GRIK4: variants seen among roughly 807,000 people sequenced by gnomAD.
The protein encoded by GRIK4 is glutamate ionotropic receptor kainate type subunit 4.
GRIK4 carries 40 observed loss-of-function variants against 104.9 expected under a neutral mutation model. The ratio of observed to expected loss-of-function variants is 0.38; its 90% CI spans 0.30 to 0.50. The LOEUF (loss-of-function observed/expected upper bound fraction) is 0.50, where lower values mean the gene tolerates loss of function less well. Ranked by LOEUF, GRIK4 falls within the 20% of genes least tolerant of loss-of-function variation. GRIK4 has a pLI of 0.93. For missense variants in GRIK4, 1,047 were observed against 1,308.1 expected (o/e 0.80, Z 3.08); for synonymous variants, 485 against 524.9 (o/e 0.92, Z 1.04).
chr11:120,903,951 C>G lies in GRIK4; in HGVS notation c.1273-1339C>G, dbSNP rs912258925. Among the ~76,000 whole-genome samples the G allele has an allele frequency of 1.3e-5, 2 of 152,226 alleles. No homozygotes were observed. The highest frequency in any genetic ancestry group is 4.8e-5 in the African/African-American group (2 of 41,460). On this transcript the variant is annotated intron_variant, in intron 12 of 20. Coordinates refer to ENST00000527524, the MANE Select transcript of GRIK4 (RefSeq NM_014619.5). This position sits in a 1 kb window ranked among gnomAD's most constrained non-coding sequence, Gnocchi z 4.4. ...AGAATGGTGGGAGTGGCTACATCCT[C>G]TATCTTCCAATTTCCTCCTCCTTGA...
intron 1 of GRIK4, among the ~76,000 whole-genome samples, chr11:120,534,343 A>C (rs537199112): frequency 3.3e-5 from 5 of 152,186 alleles, no homozygotes; most frequent in Non-Finnish European, 7.3e-5. Context: ...AGGGATATCT[A>C]TGTGGAATTG....
chr11:120,943,234 T>C (rs780424771), intron 14 of GRIK4, among the ~76,000 whole-genome samples: 1 of 151,840 alleles, frequency 6.6e-6, no homozygotes. Flanking sequence ...TGCCTAGACC[T>C]GATTGATAAC....
chr11:120,713,311 A>AC lies in GRIK4; in HGVS notation c.82+52916dup, dbSNP rs763718578. Among the ~76,000 whole-genome samples the AC allele has an allele frequency of 2.6e-4, 40 of 151,818 alleles. 1 individual carries two copies. Among genetic ancestry groups the AC allele is most frequent in the Non-Finnish European group, 5.0e-4 (34 of 67,968 alleles). On this transcript the variant is annotated intron_variant, in intron 3 of 20. Transcript: ENST00000527524. ...TTCGGCCACCTGACATGCTAAGCAC[A>AC]CCCCCTCCCAGTTTTGTGCCCTCTG...
chr11:120,598,803 C>T (rs1948840806), intron 1 of GRIK4, among the ~76,000 whole-genome samples: 1 of 152,228 alleles, frequency 6.6e-6, no homozygotes, highest in African/African-American at 2.4e-5. Flanking sequence ...TGGCTTGGAC[C>T]CTGTCTATCT....
rs533963473 is a variant in GRIK4 at position 120,986,496 on chromosome 11, C to T, written c.*236C>T. 1.9e-6 allele frequency: 1 copy of T among 528,492 alleles called. No individual in the cohort carries two copies. Among genetic ancestry groups the T allele is most frequent in the Non-Finnish European group, 3.2e-6 (1 of 311,374 alleles). 32.7% of individuals were successfully genotyped at this position (528,492 alleles called of 1,614,324 possible). A position where few individuals can be genotyped will look rare whatever the true frequency, so the allele number is the denominator to read the frequency against. On this transcript the variant is annotated 3_prime_UTR_variant, in exon 21 of 21. Transcript: ENST00000527524. ...CCCAAAGGGCAAAGGACGGCCCTCC[C>T]TCCTGGGCACAAGGACCCATCTTCT...
chr11:120,719,772 A>G (rs1211871258), intron 3 of GRIK4, among the ~76,000 whole-genome samples: 2 of 152,238 alleles, frequency 1.3e-5, no homozygotes, highest in South Asian at 2.1e-4. Context: ...TATAAAATAG[A>G]AAGCTAAGCA....
intron 6 of GRIK4, 112 bp downstream of exon 6, chr11:120,820,032 T>G (rs553396790): frequency 2.1e-6 from 2 of 955,878 alleles, no homozygotes; most frequent in South Asian, 2.9e-5. Flanking sequence ...TTCCTTCAGA[T>G]CCACAGGGCT....
chr11:120,572,221 C>G (rs1405662196), intron 1 of GRIK4, among the ~76,000 whole-genome samples: 2 of 152,282 alleles, frequency 1.3e-5, no homozygotes, highest in Admixed American at 1.3e-4. Context: ...CCCTCCTGAT[C>G]TAGTCACATC....
chr11:120,622,874 G>A (rs535969763), intron 1 of GRIK4, among the ~76,000 whole-genome samples: 1 of 152,282 alleles, frequency 6.6e-6, no homozygotes, highest in South Asian at 2.1e-4. Flanking sequence ...GGATACATGT[G>A]GTTTACTTAG....
chr11:120,597,287 C>T (rs561224879), intron 1 of GRIK4, among the ~76,000 whole-genome samples: 20 of 152,368 alleles, frequency 1.3e-4, no homozygotes, highest in South Asian at 1.2e-3. Flanking sequence ...GGGCAAGTGC[C>T]TTCCCACCAT....
intron 17 of GRIK4, among the ~76,000 whole-genome samples, chr11:120,961,946 T>C (rs1246765098): frequency 2.0e-5 from 3 of 152,360 alleles, no homozygotes; most frequent in African/African-American, 7.2e-5. Flanking sequence ...TGACTTGTTA[T>C]TATTTGTAAA....
chr11:120,707,306 CGCCAGTCTGCCAGGCACA>C (rs1443226834), intron 3 of GRIK4, among the ~76,000 whole-genome samples: 1 of 152,172 alleles, frequency 6.6e-6, no homozygotes, highest in African/African-American at 2.4e-5. Context: ...CACTTGTGGC[CGCCAGTCTGCCAGGCACA>C]GCCAGTCTGC....
intron 1 of GRIK4, among the ~76,000 whole-genome samples, chr11:120,623,880 C>T (rs1949220396): frequency 6.6e-6 from 1 of 152,166 alleles, no homozygotes; most frequent in South Asian, 2.1e-4. Flanking sequence ...CTCAGAGCTC[C>T]TGCTGCCCTC....
At chr11:120,610,242 A>C (rs191108650) in intron 1 of GRIK4, among the ~76,000 whole-genome samples, 15 of 152,322 alleles carry the variant, frequency 9.8e-5, no homozygotes, top group Admixed American at 9.8e-4. Flanking sequence ...TTCCCCCAGA[A>C]CAGCCAAGTA....
At chr11:120,529,504 C>T (rs1013454136) in intron 1 of GRIK4, among the ~76,000 whole-genome samples, 8 of 152,196 alleles carry the variant, frequency 5.3e-5, no homozygotes, top group Admixed American at 2.6e-4. Flanking sequence ...TTTTGCACAG[C>T]GCTGGGTTCC....
chr11:120,730,595 C>T (rs983235687), intron 3 of GRIK4, among the ~76,000 whole-genome samples: 4 of 151,504 alleles, frequency 2.6e-5, no homozygotes, highest in East Asian at 3.9e-4. Flanking sequence ...TTTCTATTTC[C>T]GTGAAGAATG....
chr11:120,798,731 C>T (rs978768002), intron 3 of GRIK4, among the ~76,000 whole-genome samples: 6 of 152,176 alleles, frequency 3.9e-5, no homozygotes, highest in African/African-American at 1.2e-4. Context: ...ATCCGCCCGC[C>T]TCGGCCTCCC....
At chr11:120,975,916 G>A (rs956858960) in intron 19 of GRIK4, among the ~76,000 whole-genome samples, 4 of 152,162 alleles carry the variant, frequency 2.6e-5, no homozygotes, top group African/African-American at 4.8e-5. Context: ...CAGGAAAAAT[G>A]GAGGTAAGAG....
intron 3 of GRIK4, among the ~76,000 whole-genome samples, chr11:120,679,499 G>A (rs748182994): frequency 6.6e-6 from 1 of 152,236 alleles, no homozygotes; most frequent in Non-Finnish European, 1.5e-5. Flanking sequence ...CCCATGCAGG[G>A]CCATCTAATA....
Sources: gnomAD v4.1 joint callset for allele counts (sites outside exome capture counted in the v4.1 genomes callset) on GRCh38, gnomAD v4.1.1 for gene constraint, Gnocchi (gnomAD v3.1) non-coding constraint, MANE v1.5 for transcripts, NCBI Gene and HGNC (gene_info 2026-07-23, HGNC 2026-07-21) for gene names.